HCK: variants seen among roughly 807,000 people sequenced by gnomAD.
HCK encodes the protein tyrosine-protein kinase HCK.
In HCK, 40 loss-of-function variants were observed where a neutral mutation model predicts 70.4. The observed-to-expected ratio is 0.57, with a 90% CI of 0.44 to 0.74. The LOEUF (loss-of-function observed/expected upper bound fraction) is 0.74. Among genes scored for constraint, HCK ranks in the 30% least tolerant of loss-of-function variants. The pLI is 0.00. For synonymous variants in HCK, 245 were observed against 263.2 expected, an observed-to-expected ratio of 0.93 and a Z score of 0.67; for missense variants, 568 against 697.2, an observed-to-expected ratio of 0.81 and a Z score of 2.09.
chr20:32,085,264 G>A (rs2045767513), intron 8 of HCK, among the ~76,000 whole-genome samples: 1 of 152,218 alleles, frequency 6.6e-6, no homozygotes, highest in African/African-American at 2.4e-5. Context: ...TGTAATCCCA[G>A]CACTTTGGGA....
chr20:32,069,600 T>C, intron 1 of HCK: 3 of 427,754 alleles, frequency 7.0e-6, no homozygotes, highest in South Asian at 1.7e-5. Context: ...AAGTACATTA[T>C]AAATCTGTGC....
At chr20:32,095,857 ATATTTATTTATTTATTTATTTATTTATT>A (rs142126874) in intron 11 of HCK, among the ~76,000 whole-genome samples, 10 of 147,132 alleles carry the variant, frequency 6.8e-5, no homozygotes, top group African/African-American at 2.3e-4. Flanking sequence ...TGTTAGCCTA[ATATTTATTTATTTATTTATTTATTTATT>A]TATTTATTTA....
At chr20:32,077,970 G>A (rs2045651353) in intron 5 of HCK, among the ~76,000 whole-genome samples, 2 of 152,090 alleles carry the variant, frequency 1.3e-5, no homozygotes, top group Non-Finnish European at 2.9e-5. Flanking sequence ...TCTCCCTTGT[G>A]CAAGGTCTAT....
chr20:32,089,089 GCTT>G (rs1377262996), intron 10 of HCK, among the ~76,000 whole-genome samples: 1 of 152,232 alleles, frequency 6.6e-6, no homozygotes, highest in African/African-American at 2.4e-5. Flanking sequence ...CCCAGCCTGA[GCTT>G]CTTCACGGCG....
intron 1 of HCK, among the ~76,000 whole-genome samples, chr20:32,052,785 G>GC (rs1395498408): frequency 7.8e-6 from 1 of 128,586 alleles, no homozygotes; most frequent in Non-Finnish European, 1.6e-5. Context: ...CCCTTCTTGG[G>GC]GGGGGGCGGG....
intron 6 of HCK, among the ~76,000 whole-genome samples, chr20:32,082,011 G>C (rs531588419): frequency 6.6e-6 from 1 of 152,264 alleles, no homozygotes; most frequent in African/African-American, 2.4e-5. Flanking sequence ...CCATCCAGCA[G>C]CAACCAAGCC....
chr20:32,101,596 C>A lies in HCK; in HGVS notation c.*77C>A. On this transcript the variant is annotated 3_prime_UTR_variant, in exon 13 of 13. Coordinates refer to ENST00000375852, the MANE Select transcript of HCK (RefSeq NM_002110.5). ...GGCTCCAGCACCATCCGCCAGGGCC[C>A]ACACCCCCTTCCTACTCCCAGACAC... 1 of 1,235,378 alleles carries A rather than the reference C, an allele frequency of 8.1e-7. No homozygotes were observed. The highest frequency in any genetic ancestry group is 1.1e-6 in the Non-Finnish European group (1 of 872,572). 76.5% of individuals were successfully genotyped at this position (1,235,378 alleles called of 1,614,324 possible). A position where few individuals can be genotyped will look rare whatever the true frequency, so the allele number is the denominator to read the frequency against.
Position 32,101,517 on chromosome 20 carries a change from T to C in HCK, c.1579T>C (p.Ter527ArgextTer1). 1 of 1,612,054 alleles carries C rather than the reference T, an allele frequency of 6.2e-7. No individual in the cohort carries two copies. Residue 527 changes from the stop codon to arginine, a stop_lost, in exon 13 of 13, where the codon TGA (stop) becomes CGA (arginine). Transcript: ENST00000375852. ...AGAGAGCCAGTACCAACAGCAGCCA[T>C]GATAGGGAGGACCAGGGCAGGGCCA...
chr20:32,093,647 C>T (rs1171977890), intron 10 of HCK, among the ~76,000 whole-genome samples: 1 of 152,192 alleles, frequency 6.6e-6, no homozygotes, highest in Non-Finnish European at 1.5e-5. Context: ...TAGAGAATCC[C>T]CCAAACTGGC....
intron 1 of HCK, among the ~76,000 whole-genome samples, chr20:32,057,264 C>T (rs1046164904): frequency 6.6e-6 from 1 of 152,234 alleles, no homozygotes; most frequent in Non-Finnish European, 1.5e-5. Flanking sequence ...AGTTTTCAAA[C>T]CCCACCCTTC....
In HCK at chr20:32,061,203, T is replaced by C. The variant is rs191914993; in HGVS notation, c.62+8717T>C. ...TTCACCATGTTGGCCAGGCTGGTCT[T>C]GAACTCCTGACCTTGTGATTCGCCC... On this transcript the variant is annotated intron_variant, in intron 1 of 12. Transcript: ENST00000375852. Among the ~76,000 whole-genome samples the C allele has an allele frequency of 2.0e-3, 312 of 152,236 alleles. 3 individuals are homozygous for C. The highest frequency in any genetic ancestry group is 6.6e-3 in the South Asian group (32 of 4,814).
At chr20:32,093,783 C>A in intron 10 of HCK, 80 bp from the exon 11 acceptor site, 1 of 1,362,808 alleles carries the variant, frequency 7.3e-7, no homozygotes, top group Non-Finnish European at 1.0e-6. Flanking sequence ...TTCACTTGAA[C>A]ACCTCTCTGC....
chr20:32,084,596 G>T, intron 8 of HCK, 53 bp downstream of exon 8: 1 of 1,522,816 alleles, frequency 6.6e-7, no homozygotes. Context: ...GGGAGAGGGA[G>T]GCCACTTGCT....
At chr20:32,052,796 GATTTTT>G (rs1184347847) in intron 1 of HCK, among the ~76,000 whole-genome samples, 1 of 110,994 alleles carries the variant, frequency 9.0e-6, no homozygotes, top group Non-Finnish European at 1.7e-5. Context: ...GGGGGGCGGG[GATTTTT>G]TTTTTAATTT....
chr20:32,060,330 C>T (rs111471428), intron 1 of HCK, among the ~76,000 whole-genome samples: 4 of 152,306 alleles, frequency 2.6e-5, no homozygotes, highest in East Asian at 1.9e-4. Context: ...AAGCAATTCT[C>T]CTGCCTTAGC....
chr20:32,069,716 G>T (rs1243679199), intron 1 of HCK: 1 of 1,140,014 alleles, frequency 8.8e-7, no homozygotes, highest in Non-Finnish European at 1.2e-6. Flanking sequence ...CTCAAGTCTT[G>T]AGGTGGCAAA....
intron 11 of HCK, among the ~76,000 whole-genome samples, chr20:32,098,296 G>T (rs2045984448): frequency 6.6e-6 from 1 of 152,022 alleles, no homozygotes; most frequent in South Asian, 2.1e-4. Context: ...CTCCCAAAGT[G>T]CTGGGATTAC....
chr20:32,054,075 C>A, intron 1 of HCK: 1 of 374,984 alleles, frequency 2.7e-6, no homozygotes, highest in African/African-American at 2.1e-5. Flanking sequence ...TCCCGAGAAT[C>A]CACCATCCAG....
rs189947820 is a variant in HCK, at chr20:32,084,483, C to T, written c.775C>T (p.Arg259Trp). Residue 259 changes from arginine to tryptophan, a missense_variant, in exon 8 of 13, where the codon CGG becomes TGG. By Grantham distance (101) the Arg-to-Trp change is moderately radical. Coordinates refer to ENST00000375852, the MANE Select transcript of HCK (RefSeq NM_002110.5). ...GGAGAAAGATGCCTGGGAGATCCCTCGGGAATCCCTCAAGCTGGAGAAGAA... is the reference window on the plus strand; with the variant it reads ...GGAGAAAGATGCCTGGGAGATCCCTTGGGAATCCCTCAAGCTGGAGAAGAA... The T allele has an allele frequency of 5.0e-6, 8 of 1,614,066 alleles. No homozygotes were observed. Among genetic ancestry groups the T allele is most frequent in the Admixed American group, 1.7e-5 (1 of 60,022 alleles).
Sources: gnomAD v4.1 joint callset for allele counts (sites outside exome capture counted in the v4.1 genomes callset) on GRCh38, gnomAD v4.1.1 for gene constraint, MANE v1.5 for transcripts, NCBI Gene and HGNC (gene_info 2026-07-23, HGNC 2026-07-21) for gene names.